Variants in BBS9 observed in about 807,000 individuals in gnomAD.
BBS9 encodes protein PTHB1.
BBS9 carries 89 observed loss-of-function variants against 117.7 expected under a neutral mutation model. The ratio of observed to expected loss-of-function variants is 0.76; its 90% CI spans 0.64 to 0.90. The LOEUF (loss-of-function observed/expected upper bound fraction) is 0.90. Among genes scored for constraint, BBS9 ranks in the 40% least tolerant of loss-of-function variants. The pLI is 0.00. For missense variants in BBS9, 982 were observed against 1,042.2 expected (o/e 0.94, Z 0.80); for synonymous variants, 379 against 370.9 (o/e 1.02, Z -0.25).
chr7:33,264,309 G>A lies in BBS9; in HGVS notation c.637G>A (p.Ala213Thr). The A allele has an allele frequency of 1.3e-6, 2 of 1,553,060 alleles. No homozygotes were observed. Among genetic ancestry groups the A allele is most frequent in the Admixed American group, 1.8e-5 (1 of 56,688 alleles). ...ATACAGGTACCAGGTACTTGCTTTT[G>A]CAACAGATGCAGATAAAAGGCAGGA... Reference protein sequence around the residue: ...ESYKYQVLAFATDADKRQETE... With the variant: ...ESYKYQVLAFTTDADKRQETE... The change falls in exon 7 of 23, where the codon GCA becomes ACA. Residue 213 changes from alanine to threonine, a missense_variant. Ala to Thr is a moderately conservative substitution (Grantham distance 58). Coordinates refer to ENST00000242067, the MANE Select transcript of BBS9 (RefSeq NM_198428.3).
chr7:33,550,125 G>A (rs1001881592), intron 21 of BBS9, among the ~76,000 whole-genome samples: 1 of 152,008 alleles, frequency 6.6e-6, no homozygotes, highest in Non-Finnish European at 1.5e-5. Context: ...ACGGTTTTCT[G>A]AGTCACCTAA....
intron 5 of BBS9, among the ~76,000 whole-genome samples, chr7:33,220,994 A>G (rs1583700502): frequency 6.6e-6 from 1 of 152,244 alleles, no homozygotes; most frequent in South Asian, 2.1e-4. Context: ...CGTTTGTTAG[A>G]GGTTTAGCCG....
At chr7:33,136,922 C>T (rs1790571064) in intron 1 of BBS9, among the ~76,000 whole-genome samples, 1 of 152,086 alleles carries the variant, frequency 6.6e-6, no homozygotes, top group Non-Finnish European at 1.5e-5. Flanking sequence ...TTAGTAGAGT[C>T]CACCAGTGGA....
chr7:33,205,231 T>A (rs1325238950), intron 5 of BBS9, among the ~76,000 whole-genome samples: 8 of 152,218 alleles, frequency 5.3e-5, no homozygotes, highest in Admixed American at 5.2e-4. Context: ...CATGGCTGTA[T>A]TCCTTGGTGG....
At chr7:33,328,783 G>T (rs934235402) in intron 9 of BBS9, among the ~76,000 whole-genome samples, 1 of 152,024 alleles carries the variant, frequency 6.6e-6, no homozygotes, top group African/African-American at 2.4e-5. Context: ...ATTAGGAAAT[G>T]AAAGAAACCA....
At chr7:33,571,402 G>A (rs1438148869) in intron 21 of BBS9, among the ~76,000 whole-genome samples, 1 of 151,946 alleles carries the variant, frequency 6.6e-6, no homozygotes, top group Admixed American at 6.6e-5. Flanking sequence ...GAAAATGGGA[G>A]GACAACTGGA....
rs1842477439 is a variant in BBS9 at position 33,481,230 on chromosome 7, CAG to C, written c.2116-24230_2116-24229del. Among the ~76,000 whole-genome samples, 3 of 152,102 alleles carry C rather than the reference CAG, an allele frequency of 2.0e-5. No homozygotes were observed. In the South Asian group the frequency reaches 6.2e-4, roughly 32 times the overall value. ...GTTAATGTATGGTAGTGGGAATACTCAGAGTATGGATAGGTGATGAGTGATCC... is the reference window on the plus strand; with the variant it reads ...GTTAATGTATGGTAGTGGGAATACTCAGTATGGATAGGTGATGAGTGATCC... On this transcript the variant is annotated intron_variant, in intron 19 of 22. Transcript: ENST00000242067.
intron 4 of BBS9, among the ~76,000 whole-genome samples, chr7:33,163,004 A>G (rs951109475): frequency 6.6e-6 from 1 of 152,180 alleles, no homozygotes; most frequent in African/African-American, 2.4e-5. Flanking sequence ...GATACGTTCC[A>G]TCAATACCTA....
intron 19 of BBS9, among the ~76,000 whole-genome samples, chr7:33,469,974 TTAC>T (rs1840745115): frequency 6.6e-6 from 1 of 152,210 alleles, no homozygotes; most frequent in South Asian, 2.1e-4. Context: ...TTTATTTTAA[TTAC>T]TATAACTATT....
At chr7:33,204,877 C>T (rs1030630150) in intron 5 of BBS9, among the ~76,000 whole-genome samples, 4 of 152,196 alleles carry the variant, frequency 2.6e-5, no homozygotes, top group Non-Finnish European at 4.4e-5. Flanking sequence ...TTCCTCTCTC[C>T]ACTACTCATT....
At chr7:33,608,636 G>A (rs1864708373), downstream of BBS9, among the ~76,000 whole-genome samples, 1 of 152,030 alleles carries the variant, frequency 6.6e-6, no homozygotes, top group Non-Finnish European at 1.5e-5. Flanking sequence ...GATTATTGAT[G>A]TTGAACATCT....
At chr7:33,448,420 C>T (rs904119987) in intron 19 of BBS9, among the ~76,000 whole-genome samples, 11 of 152,190 alleles carry the variant, frequency 7.2e-5, no homozygotes, top group South Asian at 4.2e-4. Context: ...ATTCTGAAGG[C>T]GGCATGGGGT....
chr7:33,511,593 C>A (rs1050322090), intron 20 of BBS9, among the ~76,000 whole-genome samples: 1 of 152,038 alleles, frequency 6.6e-6, no homozygotes, highest in African/African-American at 2.4e-5. Flanking sequence ...TAATAGTTAC[C>A]TTCCCTAGTA....
At chr7:33,407,435 G>A (rs1341551611) in intron 19 of BBS9, among the ~76,000 whole-genome samples, 3 of 152,268 alleles carry the variant, frequency 2.0e-5, no homozygotes, top group South Asian at 2.1e-4. Flanking sequence ...CTCTCAACTC[G>A]TCAAAGTCAT....
intron 21 of BBS9, among the ~76,000 whole-genome samples, chr7:33,582,704 T>C (rs1860182822): frequency 6.6e-6 from 1 of 152,116 alleles, no homozygotes; most frequent in Non-Finnish European, 1.5e-5. Context: ...CTTAAAGCCC[T>C]CCAGGAGCAG....
intron 19 of BBS9, among the ~76,000 whole-genome samples, chr7:33,473,656 G>A (rs2128959788): frequency 6.6e-6 from 1 of 152,172 alleles, no homozygotes; most frequent in Admixed American, 6.5e-5. Context: ...TTTTCACACA[G>A]CAGCTTATAA....
intron 20 of BBS9, among the ~76,000 whole-genome samples, chr7:33,526,548 G>A (rs1849533720): frequency 6.6e-6 from 1 of 150,636 alleles, no homozygotes; most frequent in Admixed American, 6.6e-5. Context: ...ATCAGCTCCT[G>A]AGGCTTCTGC....
intron 5 of BBS9, among the ~76,000 whole-genome samples, chr7:33,234,230 A>C (rs370854811): frequency 2.6e-5 from 4 of 152,076 alleles, no homozygotes; most frequent in African/African-American, 9.7e-5. Flanking sequence ...AGGAAAAAAC[A>C]GTGTGTGTAT....
At chr7:33,528,187 G>T (rs1849958725) in intron 20 of BBS9, among the ~76,000 whole-genome samples, 1 of 151,980 alleles carries the variant, frequency 6.6e-6, no homozygotes, top group African/African-American at 2.4e-5. Context: ...TTGTTATTAA[G>T]ATAAATGAAT....
Sources: gnomAD v4.1 joint callset for allele counts (sites outside exome capture counted in the v4.1 genomes callset) on GRCh38, gnomAD v4.1.1 for gene constraint, MANE v1.5 for transcripts, NCBI Gene and HGNC (gene_info 2026-07-23, HGNC 2026-07-21) for gene names.